The following ZC3H7A variants were observed in gnomAD, a reference collection of about 807,000 sequenced individuals.
The protein encoded by ZC3H7A is zinc finger CCCH domain-containing protein 7A.
In ZC3H7A, 44 loss-of-function variants were observed where a neutral mutation model predicts 125.5. The ratio of observed to expected loss-of-function variants is 0.35; its 90% confidence interval spans 0.28 to 0.45. ZC3H7A has a LOEUF of 0.45. Among genes scored for constraint, ZC3H7A ranks in the 20% least tolerant of loss-of-function variants. The pLI is 1.00. For synonymous variants in ZC3H7A, 399 were observed against 391.2 expected (o/e 1.02, Z -0.23); for missense variants, 977 against 1,170.7 (o/e 0.83, Z 2.41).
In ZC3H7A at chr16:11,764,800, T is replaced by C. The variant is rs962914905; in HGVS notation, c.1820+253A>G. On this transcript the variant is annotated intron_variant, in intron 15 of 22. Transcript: ENST00000355758. ...GGGGGGGTACTTATATTTTAAGCCA[T>C]AAAATACCTAAATCCATGTCATGAG... 2.0e-5 allele frequency among the ~76,000 whole-genome samples: 3 copies of C among 152,190 alleles called. No individual in the cohort carries two copies. The East Asian group carries it at 5.8e-4, about 29-fold the overall frequency.
chr16:11,782,579 A>G (rs1001874532), intron 1 of ZC3H7A, 191 bp from the exon 2 acceptor site: 1 of 435,410 alleles, frequency 2.3e-6, no homozygotes, highest in Non-Finnish European at 4.1e-6. Context: ...CCGGCACACC[A>G]TAAGCACACC....
At chr16:11,791,373 A>C (rs563333797) in intron 1 of ZC3H7A, among the ~76,000 whole-genome samples, 7 of 152,156 alleles carry the variant, frequency 4.6e-5, no homozygotes, top group Non-Finnish European at 1.0e-4. Context: ...TACACTTCCC[A>C]GCTCTTCACA....
chr16:11,771,569 C>T (rs1187437733), intron 9 of ZC3H7A, among the ~76,000 whole-genome samples: 7 of 151,664 alleles, frequency 4.6e-5, no homozygotes, highest in South Asian at 2.1e-4. Context: ...GGCACAATCT[C>T]GGCTCACTGC....
At chr16:11,763,119 T>C in intron 16 of ZC3H7A, 1 of 249,194 alleles carries the variant, frequency 4.0e-6, no homozygotes, top group East Asian at 8.4e-5. Context: ...TTTTGTTTTT[T>C]TTTTTTTTGA....
intron 11 of ZC3H7A, among the ~76,000 whole-genome samples, 193 bp from the exon 12 acceptor site, chr16:11,768,694 A>ACC (rs993641184): frequency 6.6e-6 from 1 of 151,752 alleles, no homozygotes; most frequent in East Asian, 1.9e-4. Flanking sequence ...GTTTCTAGTC[A>ACC]CCCCCCGACT....
At chr16:11,794,571 C>A (rs1567399472) in intron 1 of ZC3H7A, among the ~76,000 whole-genome samples, 1 of 152,178 alleles carries the variant, frequency 6.6e-6, no homozygotes, top group Admixed American at 6.6e-5. Context: ...CAGAACACTT[C>A]CAGACGTTAT....
At chr16:11,795,471 C>T (rs947643519) in intron 1 of ZC3H7A, among the ~76,000 whole-genome samples, 5 of 152,226 alleles carry the variant, frequency 3.3e-5, no homozygotes, top group African/African-American at 4.8e-5. Context: ...GAGTCTCGCT[C>T]TGTTGCCCAG....
chr16:11,752,967 C>T, intron 21 of ZC3H7A, 135 bp from the exon 22 acceptor site: 1 of 1,119,212 alleles, frequency 8.9e-7, no homozygotes, highest in African/African-American at 1.6e-5. Context: ...AGGAAAGGAC[C>T]ACAGCATGGG....
At chr16:11,780,704 A>G (rs973580930) in intron 3 of ZC3H7A, among the ~76,000 whole-genome samples, 1 of 152,130 alleles carries the variant, frequency 6.6e-6, no homozygotes, top group Admixed American at 6.6e-5. Context: ...GGAACAAGAG[A>G]GAAGAAAAGG....
chr16:11,768,520 G>GGA lies in ZC3H7A; in HGVS notation c.1174-20_1174-19insTC. On this transcript the variant is annotated intron_variant, in intron 11 of 22. Coordinates refer to ENST00000355758, the MANE Select transcript of ZC3H7A (RefSeq NM_014153.4). ...CATTCATCTGCAAGAAAAATAAGAAGAAAAAAAAAAAAAACAGCCAACAAA... is the reference window on the plus strand; with the variant it reads ...CATTCATCTGCAAGAAAAATAAGAAGGAAAAAAAAAAAAAAACAGCCAACAAA... The GGA allele has an allele frequency of 8.7e-7, 1 of 1,148,680 alleles. No homozygotes were observed. Among genetic ancestry groups the GGA allele is most frequent in the Non-Finnish European group, 1.1e-6 (1 of 892,710 alleles). The allele number at this position is 1,148,680 out of a possible 1,614,324, so 71.2% of individuals were successfully genotyped here. A position where few individuals can be genotyped will look rare whatever the true frequency, so the allele number is the denominator to read the frequency against.
intron 21 of ZC3H7A, among the ~76,000 whole-genome samples, chr16:11,753,396 A>G (rs375926908): frequency 2.0e-5 from 3 of 152,246 alleles, no homozygotes; most frequent in African/African-American, 7.2e-5. Context: ...AACACTGGGT[A>G]AAAACAGATT....
chr16:11,751,527 C>T, intron 22 of ZC3H7A, 21 bp from the exon 23 acceptor site: 1 of 1,602,510 alleles, frequency 6.2e-7, no homozygotes, highest in Admixed American at 1.7e-5. Context: ...AAGTCAGCTG[C>T]TCAGTGTCCA....
intron 1 of ZC3H7A, chr16:11,783,023 G>C (rs911625744): frequency 6.6e-6 from 1 of 152,190 alleles, no homozygotes; most frequent in Non-Finnish European, 1.5e-5. Context: ...CCCTCCTTTG[G>C]CTTCAGGTTT....
chr16:11,767,692 A>C, intron 12 of ZC3H7A, 114 bp from the exon 13 acceptor site: 2 of 1,086,608 alleles, frequency 1.8e-6, no homozygotes, highest in Non-Finnish European at 2.5e-6. Context: ...ATTCCCACAG[A>C]AATCCCACTT....
At chr16:11,767,347 CATT>C (rs1322347952) in intron 13 of ZC3H7A, 67 bp downstream of exon 13, 6 of 1,173,436 alleles carry the variant, frequency 5.1e-6, no homozygotes. Flanking sequence ...TGTATCCTGT[CATT>C]AAGCTAAGCA....
intron 1 of ZC3H7A, among the ~76,000 whole-genome samples, chr16:11,786,239 G>A (rs994995732): frequency 6.6e-6 from 1 of 152,212 alleles, no homozygotes; most frequent in Non-Finnish European, 1.5e-5. Flanking sequence ...TTTACTTAGA[G>A]TTCGAACTTT....
intron 21 of ZC3H7A, 144 bp downstream of exon 21, chr16:11,756,093 G>A (rs548027224): frequency 4.2e-5 from 49 of 1,169,304 alleles, no homozygotes; most frequent in East Asian, 4.0e-4. Context: ...AACCAGGGAG[G>A]CGGAGGTTGC....
At chr16:11,795,972 C>A (rs778588854) in intron 1 of ZC3H7A, among the ~76,000 whole-genome samples, 1 of 151,730 alleles carries the variant, frequency 6.6e-6, no homozygotes, top group East Asian at 1.9e-4. Context: ...AGCTGACTAC[C>A]GGCGTGCGCC....
At chr16:11,781,277 T>C (rs1473588693) in intron 3 of ZC3H7A, 148 bp downstream of exon 3, 1 of 669,268 alleles carries the variant, frequency 1.5e-6, no homozygotes, top group Non-Finnish European at 2.3e-6. Flanking sequence ...AAAGCTTTAT[T>C]TGCAAAAAAA....
Sources: gnomAD v4.1 joint callset for allele counts (sites outside exome capture counted in the v4.1 genomes callset) on GRCh38, gnomAD v4.1.1 for gene constraint, MANE v1.5 for transcripts, NCBI Gene and HGNC (gene_info 2026-07-23, HGNC 2026-07-21) for gene names.